WIPF3: variants seen among roughly 807,000 people sequenced by gnomAD.
The protein encoded by WIPF3 is WAS/WASL interacting protein family member 3, also known as WAS/WASL-interacting protein family member 3.
In WIPF3, 33 loss-of-function variants were observed where a neutral mutation model predicts 38.9. That is an observed-to-expected ratio of 0.85 (90% CI 0.64 to 1.14). The LOEUF (loss-of-function observed/expected upper bound fraction) is 1.14. Among genes scored for constraint, WIPF3 ranks in the 50% most tolerant of loss-of-function variants. The pLI, the probability that WIPF3 is intolerant of heterozygous loss-of-function variation, is 0.00. For missense variants in WIPF3, 711 were observed against 652.5 expected (o/e 1.09, Z -0.98); for synonymous variants, 324 against 269.3 (o/e 1.20, Z -1.99).
intron 1 of WIPF3, among the ~76,000 whole-genome samples, chr7:29,815,011 A>G (rs1784434835): frequency 6.6e-6 from 1 of 152,180 alleles, no homozygotes; most frequent in Non-Finnish European, 1.5e-5. Flanking sequence ...CCTTTTAACA[A>G]TAGGAGTCGA....
At chr7:29,812,622 G>C (rs1305000060) in intron 1 of WIPF3, among the ~76,000 whole-genome samples, 1 of 152,158 alleles carries the variant, frequency 6.6e-6, no homozygotes, top group Non-Finnish European at 1.5e-5. Context: ...CATCTCATTG[G>C]CCAGAACAGT....
rs1352738718 is a variant in WIPF3 at position 29,834,759 on chromosome 7, C to T, written c.35C>T (p.Pro12Leu). Residue 12 changes from proline to leucine, a missense_variant, in exon 2 of 9, where the codon CCT becomes CTT. Pro to Leu is a moderately conservative substitution (Grantham distance 98). Coordinates refer to ENST00000242140, the MANE Select transcript of WIPF3 (RefSeq NM_001080529.3). ...CCACCGCCACCCCCACCTCCTCTGC[C>T]TCCACCTCCCCCGCCTCTGGGGGCT... ...PVPPPPPPPLPPPPPPLGAPP... is the reference protein window; with the variant it reads ...PVPPPPPPPLLPPPPPLGAPP... 7.4e-6 allele frequency: 11 copies of T among 1,486,780 alleles called. No individual in the cohort carries two copies. In the African/African-American group the frequency reaches 1.3e-4, roughly 17 times the overall value. The allele number at this position is 1,486,780 out of a possible 1,614,324, so 92.1% of individuals were successfully genotyped here.
At chr7:29,851,841 T>C (rs1478667616) in intron 2 of WIPF3, among the ~76,000 whole-genome samples, 1 of 152,180 alleles carries the variant, frequency 6.6e-6, no homozygotes, top group Non-Finnish European at 1.5e-5. Context: ...GGCCCCACAG[T>C]GGGGACAGTC....
chr7:29,822,980 C>T (rs1784564328), intron 1 of WIPF3, among the ~76,000 whole-genome samples: 1 of 152,178 alleles, frequency 6.6e-6, no homozygotes, highest in African/African-American at 2.4e-5. Flanking sequence ...CATATCCTTA[C>T]TTTAAAAAAT....
chr7:29,897,981 C>T lies in WIPF3; in HGVS notation c.1352-6305C>T, dbSNP rs148162006. The stretch of plus-strand genomic sequence containing the variant: ...CTCTGGACCTACTCTGGTCCCTGAG[C>T]CATTTTTCTGCTCTTCTCTTAGCCA... On this transcript the variant is annotated intron_variant, in intron 7 of 8. Transcript: ENST00000242140. Among the ~76,000 whole-genome samples the T allele has an allele frequency of 3.0e-3, 458 of 152,270 alleles. 2 individuals are homozygous for T. Among genetic ancestry groups the T allele is most frequent in the Admixed American group, 7.3e-3 (112 of 15,298 alleles).
At chr7:29,871,097 C>A (rs1363329661) in intron 2 of WIPF3, among the ~76,000 whole-genome samples, 1 of 152,164 alleles carries the variant, frequency 6.6e-6, no homozygotes, top group Non-Finnish European at 1.5e-5. Context: ...CATTCTAGAA[C>A]AACTTGACTT....
intron 4 of WIPF3, among the ~76,000 whole-genome samples, chr7:29,881,972 G>A (rs916251858): frequency 4.6e-5 from 7 of 152,244 alleles, no homozygotes; most frequent in South Asian, 2.1e-4. Flanking sequence ...GCTCTCTGTC[G>A]GCCCAGGCCT....
At chr7:29,857,476 A>AT (rs917833063) in intron 2 of WIPF3, among the ~76,000 whole-genome samples, 7 of 151,502 alleles carry the variant, frequency 4.6e-5, no homozygotes, top group East Asian at 1.9e-4. Context: ...GCTTCTACAG[A>AT]TTTTTTTTTC....
chr7:29,888,508 TGC>T lies in WIPF3; in HGVS notation c.1249+293_1249+294del, dbSNP rs776073947. On this transcript the variant is annotated intron_variant, in intron 6 of 8. Transcript: ENST00000242140. ...GAGTGTGTGTGCGTGTGCGTGTGTG[TGC>T]GTGTGTGTGTGTGTGTGTGTGTGTC... is the stretch of plus-strand genomic sequence containing the variant. Among the ~76,000 whole-genome samples, 603 of 110,578 alleles carry T rather than the reference TGC, an allele frequency of 5.5e-3. 4 individuals are homozygous for T. Among genetic ancestry groups the T allele is most frequent in the South Asian group, 0.017 (52 of 3,040 alleles). 72.5% of individuals were successfully genotyped at this position (110,578 alleles called of 152,430 possible). A position where few individuals can be genotyped will look rare whatever the true frequency, so the allele number is the denominator to read the frequency against.
chr7:29,880,127 A>C (rs887263978), intron 4 of WIPF3, among the ~76,000 whole-genome samples: 1 of 152,180 alleles, frequency 6.6e-6, no homozygotes, highest in African/African-American at 2.4e-5. Flanking sequence ...AAAATTGAAC[A>C]AATACAAATT....
intron 2 of WIPF3, among the ~76,000 whole-genome samples, chr7:29,869,657 T>G (rs1235501332): frequency 6.6e-6 from 1 of 152,230 alleles, no homozygotes; most frequent in Non-Finnish European, 1.5e-5. Context: ...CCCAAATCTC[T>G]CTTTCTCCAT....
chr7:29,838,618 A>G (rs1784857673), intron 2 of WIPF3, among the ~76,000 whole-genome samples: 1 of 152,210 alleles, frequency 6.6e-6, no homozygotes, highest in South Asian at 2.1e-4. Context: ...ATGTGGAGTG[A>G]TGGAAACTCT....
intron 7 of WIPF3, among the ~76,000 whole-genome samples, chr7:29,901,103 A>G: frequency 6.6e-6 from 1 of 152,218 alleles, no homozygotes; most frequent in Non-Finnish European, 1.5e-5. Context: ...CCTGCTCTTA[A>G]GTGCAGTAGG....
rs1185517110 is a variant in WIPF3 at position 29,876,834 on chromosome 7, G to A, written c.223+872G>A. 3.9e-5 allele frequency among the ~76,000 whole-genome samples: 6 copies of A among 152,186 alleles called. No homozygotes were observed. In the South Asian group the frequency reaches 1.2e-3, roughly 32 times the overall value. On this transcript the variant is annotated intron_variant, in intron 3 of 8. Transcript: ENST00000242140. ...AGAGTAAATTGAGTCCTGTGCTCAG[G>A]TCAGACGACCCACATTGAGTTCTGG...
rs1786590754 is a variant in WIPF3 at position 29,915,288 on chromosome 7, C to T, written c.*772C>T. Reference sequence around the variant, plus strand: ...CCTGTTCCCTCCAAGTTCCCAGTCCCATCCCAGTAGCCAGCTTTATGAGAT... The same window carrying T: ...CCTGTTCCCTCCAAGTTCCCAGTCCTATCCCAGTAGCCAGCTTTATGAGAT... On this transcript the variant is annotated 3_prime_UTR_variant, in exon 9 of 9. Coordinates refer to ENST00000242140, the MANE Select transcript of WIPF3 (RefSeq NM_001080529.3). The T allele has an allele frequency of 6.6e-6, 1 of 152,144 alleles. No individual in the cohort carries two copies. The highest frequency in any genetic ancestry group is 2.4e-5 in the African/African-American group (1 of 41,386). The allele number at this position is 152,144 out of a possible 1,614,324, so 9.4% of individuals were successfully genotyped here. A position where few individuals can be genotyped will look rare whatever the true frequency, so the allele number is the denominator to read the frequency against.
intron 2 of WIPF3, among the ~76,000 whole-genome samples, chr7:29,838,080 G>T (rs865919977): frequency 7.9e-5 from 12 of 152,040 alleles, no homozygotes; most frequent in African/African-American, 2.7e-4. Context: ...CACCACGCCC[G>T]GCTAATTTTC....
At chr7:29,897,095 T>A (rs1786160398) in intron 7 of WIPF3, among the ~76,000 whole-genome samples, 1 of 152,266 alleles carries the variant, frequency 6.6e-6, no homozygotes, top group Non-Finnish European at 1.5e-5. Flanking sequence ...CATTAGTTTT[T>A]TTAAGCCTGG....
At chr7:29,857,462 C>T (rs530836597) in intron 2 of WIPF3, among the ~76,000 whole-genome samples, 88 of 152,190 alleles carry the variant, frequency 5.8e-4, no homozygotes, top group Admixed American at 1.8e-3. Flanking sequence ...TTCCATAGTA[C>T]TTGGCTTCTA....
In WIPF3 at chr7:29,835,198, A is replaced by G. The variant is rs116140849; in HGVS notation, c.90+384A>G. 2.4e-3 allele frequency among the ~76,000 whole-genome samples: 362 copies of G among 152,162 alleles called. 1 individual carries two copies. Among genetic ancestry groups the G allele is most frequent in the African/African-American group, 8.4e-3 (349 of 41,504 alleles). Reference sequence around the variant, plus strand: ...AGTCAAGTTCCAGTGTGGAATTTGGATGGTGATAATGAGAGATTGAGCTTC... The same window carrying G: ...AGTCAAGTTCCAGTGTGGAATTTGGGTGGTGATAATGAGAGATTGAGCTTC... On this transcript the variant is annotated intron_variant, in intron 2 of 8. Coordinates refer to ENST00000242140, the MANE Select transcript of WIPF3 (RefSeq NM_001080529.3).
Sources: allele counts gnomAD v4.1 joint callset (sites outside exome capture counted in the v4.1 genomes callset), GRCh38; gene constraint gnomAD v4.1.1; transcripts MANE v1.5; gene names NCBI Gene and HGNC (gene_info 2026-07-23, HGNC 2026-07-21).